The following PAX5 variants were observed in gnomAD, a reference collection of about 807,000 sequenced individuals.
The protein encoded by PAX5 is paired box 5.
A neutral mutation model predicts 43.7 loss-of-function variants in PAX5; 9 were observed. The ratio of observed to expected loss-of-function variants is 0.21; its 90% CI spans 0.12 to 0.36. The LOEUF (loss-of-function observed/expected upper bound fraction) is 0.36, where lower values mean the gene tolerates loss of function less well. Among genes scored for constraint, PAX5 ranks in the 10% least tolerant of loss-of-function variants. PAX5 has a pLI of 1.00. For synonymous variants in PAX5, 228 were observed against 214.3 expected (o/e 1.06, Z -0.56); for missense variants, 383 against 532.7 (o/e 0.72, Z 2.77).
rs138009049 is a variant in PAX5, at chr9:36,952,234, C to CT, written c.780+14314dup. On this transcript the variant is annotated intron_variant, in intron 6 of 9. Coordinates refer to ENST00000358127, the MANE Select transcript of PAX5 (RefSeq NM_016734.3). ...TTTTTAATATGCTCTGACCATCTCC[C>CT]TTTTTTTTTTTTTTTTTTTTTTTGA... 2.7e-3 allele frequency among the ~76,000 whole-genome samples: 183 copies of CT among 66,628 alleles called. 11 individuals are homozygous for CT. Among genetic ancestry groups the CT allele is most frequent in the African/African-American group, 5.1e-3 (81 of 15,908 alleles). The allele number at this position is 66,628 out of a possible 152,430, so 43.7% of individuals were successfully genotyped here.
chr9:36,911,151 T>C (rs1321374724), intron 7 of PAX5, among the ~76,000 whole-genome samples: 1 of 152,134 alleles, frequency 6.6e-6, no homozygotes, highest in Non-Finnish European at 1.5e-5. Context: ...CTGGTAAAAT[T>C]ACATTGCAAA....
At chr9:36,975,828 A>G (rs1835378253) in intron 5 of PAX5, among the ~76,000 whole-genome samples, 1 of 152,278 alleles carries the variant, frequency 6.6e-6, no homozygotes, top group South Asian at 2.1e-4. Flanking sequence ...TAAGTGCTCA[A>G]TAAACGTTAG....
chr9:36,935,368 G>A (rs1350922949), intron 6 of PAX5, among the ~76,000 whole-genome samples: 1 of 146,262 alleles, frequency 6.8e-6, no homozygotes, highest in Admixed American at 7.0e-5. Context: ...CAACAAGAGC[G>A]AAACTCCATC....
At chr9:36,969,640 G>C (rs1027496793) in intron 5 of PAX5, among the ~76,000 whole-genome samples, 2 of 152,242 alleles carry the variant, frequency 1.3e-5, no homozygotes, top group African/African-American at 4.8e-5. Flanking sequence ...GCTGCGTCCT[G>C]CTCTGGTTCT....
At chr9:36,919,272 C>A (rs186683304) in intron 7 of PAX5, among the ~76,000 whole-genome samples, 6 of 152,102 alleles carry the variant, frequency 3.9e-5, no homozygotes, top group Admixed American at 2.0e-4. Context: ...AAAAAAGATT[C>A]TTTTCAAAAT....
At chr9:36,961,783 A>G (rs1023865442) in intron 6 of PAX5, among the ~76,000 whole-genome samples, 5 of 152,194 alleles carry the variant, frequency 3.3e-5, no homozygotes, top group East Asian at 3.8e-4. Flanking sequence ...ACTGAAACAG[A>G]TACCACTGTT....
chr9:36,906,689 C>T (rs1346090074), intron 7 of PAX5, among the ~76,000 whole-genome samples: 1 of 152,220 alleles, frequency 6.6e-6, no homozygotes, highest in East Asian at 1.9e-4. Context: ...GGACAGATCC[C>T]CCCGCAAGCT....
intron 7 of PAX5, among the ~76,000 whole-genome samples, chr9:36,898,947 G>T (rs774616520): frequency 6.6e-6 from 1 of 152,094 alleles, no homozygotes; most frequent in African/African-American, 2.4e-5. Flanking sequence ...CTGAACCCCT[G>T]CCTGGCTCCA....
chr9:36,836,482 G>A lies in PAX5; in HGVS notation c.*4078C>T. ...GGCTGGTGCCCAGTGGGTCAAGTTTGGCCCATGGACATTTTTCTTTAGGCC... is the reference window on the plus strand; with the variant it reads ...GGCTGGTGCCCAGTGGGTCAAGTTTAGCCCATGGACATTTTTCTTTAGGCC... On this transcript the variant is annotated 3_prime_UTR_variant, in exon 10 of 10. Transcript: ENST00000358127. The A allele has an allele frequency of 4.3e-6, 1 of 233,276 alleles. No individual in the cohort carries two copies. 14.5% of individuals were successfully genotyped at this position (233,276 alleles called of 1,614,324 possible).
intron 6 of PAX5, among the ~76,000 whole-genome samples, chr9:36,943,036 A>G (rs1019462275): frequency 6.6e-6 from 1 of 152,154 alleles, no homozygotes; most frequent in African/African-American, 2.4e-5. Context: ...AGGGCCTGCT[A>G]TGTCCTTGTG....
intron 7 of PAX5, among the ~76,000 whole-genome samples, chr9:36,884,918 G>A (rs1826785374): frequency 6.6e-6 from 1 of 152,208 alleles, no homozygotes; most frequent in Non-Finnish European, 1.5e-5. Flanking sequence ...AGAGGAGCTG[G>A]CACATGGCCG....
intron 7 of PAX5, among the ~76,000 whole-genome samples, chr9:36,894,344 G>A (rs75177499): frequency 0.049 from 7,391 of 152,250 alleles, 205 homozygotes; most frequent in East Asian, 0.066. Context: ...TCCCTTCCTG[G>A]GAGATAGATT....
chr9:36,923,605 C>T (rs1477012618), intron 6 of PAX5, 121 bp from the exon 7 acceptor site: 7 of 1,130,930 alleles, frequency 6.2e-6, no homozygotes, highest in Middle Eastern at 2.0e-4. Flanking sequence ...CCAAGGCCCA[C>T]AAGGGGCTCA....
At chr9:36,960,397 G>A (rs972897864) in intron 6 of PAX5, among the ~76,000 whole-genome samples, 17 of 152,256 alleles carry the variant, frequency 1.1e-4, no homozygotes, top group African/African-American at 3.9e-4. Context: ...AGCCCAGCCT[G>A]TGTGGGCAGT....
intron 7 of PAX5, among the ~76,000 whole-genome samples, chr9:36,904,936 T>C (rs1828697051): frequency 1.3e-5 from 2 of 152,182 alleles, no homozygotes; most frequent in Non-Finnish European, 2.9e-5. Context: ...TCTTGTAGAC[T>C]AAGAAGAAAG....
intron 5 of PAX5, among the ~76,000 whole-genome samples, chr9:36,977,707 T>C (rs910979813): frequency 6.6e-6 from 1 of 152,200 alleles, no homozygotes; most frequent in African/African-American, 2.4e-5. Context: ...ATTTTTTGTA[T>C]TTTAAGTTGA....
chr9:36,892,858 C>T (rs1169960976), intron 7 of PAX5, among the ~76,000 whole-genome samples: 2 of 152,170 alleles, frequency 1.3e-5, no homozygotes, highest in Non-Finnish European at 2.9e-5. Context: ...AGTGAACAGG[C>T]AAGTGTGGAA....
chr9:36,864,793 C>T (rs1455222885), intron 8 of PAX5, among the ~76,000 whole-genome samples: 7 of 152,226 alleles, frequency 4.6e-5, no homozygotes, highest in South Asian at 4.1e-4. Flanking sequence ...AGGTGCCCCT[C>T]GGAGCCCCTC....
chr9:36,851,776 C>T (rs114167974), intron 8 of PAX5, among the ~76,000 whole-genome samples: 86 of 152,298 alleles, frequency 5.6e-4, no homozygotes, highest in African/African-American at 1.9e-3. Context: ...GATTCCAGGG[C>T]ATCCGGGCTG....
Sources: allele counts gnomAD v4.1 joint callset (sites outside exome capture counted in the v4.1 genomes callset), GRCh38; gene constraint gnomAD v4.1.1; transcripts MANE v1.5; gene names NCBI Gene and HGNC (gene_info 2026-07-23, HGNC 2026-07-21).